The following SGCZ variants were observed in gnomAD, a reference collection of about 807,000 sequenced individuals.
SGCZ encodes zeta-sarcoglycan.
SGCZ carries 40 observed loss-of-function variants against 41.3 expected under a neutral mutation model. That is an observed-to-expected ratio of 0.97 (90% CI 0.75 to 1.26). The LOEUF (loss-of-function observed/expected upper bound fraction) is 1.26, where lower values mean the gene tolerates loss of function less well. SGCZ is among the 50% of genes most tolerant of loss of function. The pLI, the probability that SGCZ is intolerant of heterozygous loss-of-function variation, is 0.00. For synonymous variants in SGCZ, 206 were observed against 137.5 expected, an observed-to-expected ratio of 1.50 and a Z score of -3.49; for missense variants, 552 against 369.8, an observed-to-expected ratio of 1.49 and a Z score of -4.04.
At chr8:14,766,325 T>C (rs112633730) in intron 1 of SGCZ, among the ~76,000 whole-genome samples, 1 of 152,036 alleles carries the variant, frequency 6.6e-6, no homozygotes, top group African/African-American at 2.4e-5. Flanking sequence ...TATTATAAGG[T>C]TGACTTGGGG....
At chr8:14,426,586 T>C (rs569027170) in intron 2 of SGCZ, among the ~76,000 whole-genome samples, 208 of 152,202 alleles carry the variant, frequency 1.4e-3, no homozygotes, top group African/African-American at 4.8e-3. Flanking sequence ...AGAAGTTTTG[T>C]TTGTTATTTT....
chr8:14,686,740 T>G (rs1420647431), intron 1 of SGCZ, among the ~76,000 whole-genome samples: 1 of 152,058 alleles, frequency 6.6e-6, no homozygotes, highest in Non-Finnish European at 1.5e-5. Context: ...GTGACCTATA[T>G]TTTAATGCAT....
chr8:15,172,673 A>G (rs1020437514), intron 1 of SGCZ, among the ~76,000 whole-genome samples: 5 of 152,254 alleles, frequency 3.3e-5, no homozygotes, highest in South Asian at 2.1e-4. Flanking sequence ...CCTAACCAAT[A>G]CACTTGGTCT....
intron 1 of SGCZ, among the ~76,000 whole-genome samples, chr8:14,883,201 C>T (rs560768551): frequency 1.3e-5 from 2 of 149,310 alleles, no homozygotes; most frequent in South Asian, 2.1e-4. Context: ...AGAAGAAAGT[C>T]TATGAACCTC....
At chr8:15,193,895 G>C (rs1057166925) in intron 1 of SGCZ, among the ~76,000 whole-genome samples, 11 of 152,032 alleles carry the variant, frequency 7.2e-5, no homozygotes, top group African/African-American at 2.7e-4. Flanking sequence ...CAAAATACGA[G>C]CAATTGCCTT....
At chr8:14,242,742 G>C (rs1463532827) in intron 3 of SGCZ, among the ~76,000 whole-genome samples, 2 of 151,994 alleles carry the variant, frequency 1.3e-5, no homozygotes, top group Non-Finnish European at 2.9e-5. Flanking sequence ...AAATGACACA[G>C]CTAAAAAAGG....
intron 1 of SGCZ, among the ~76,000 whole-genome samples, chr8:15,078,075 C>G (rs1384116262): frequency 1.3e-5 from 2 of 150,328 alleles, no homozygotes; most frequent in Non-Finnish European, 2.9e-5. Context: ...GGAGGAGGAG[C>G]CTGTCCTCTC....
intron 2 of SGCZ, among the ~76,000 whole-genome samples, chr8:14,509,926 C>T (rs768304591): frequency 4.8e-4 from 73 of 151,984 alleles, no homozygotes; most frequent in Admixed American, 2.0e-3. Flanking sequence ...TGGGGGGACA[C>T]GTCCCCCATG....
chr8:15,112,037 AACACT>A (rs1215852712), intron 1 of SGCZ, among the ~76,000 whole-genome samples: 1 of 152,222 alleles, frequency 6.6e-6, no homozygotes, highest in Non-Finnish European at 1.5e-5. Flanking sequence ...GCCTTCTGGT[AACACT>A]ATGAGCACTA....
chr8:14,975,559 G>A (rs1801439062), intron 1 of SGCZ, among the ~76,000 whole-genome samples: 1 of 151,926 alleles, frequency 6.6e-6, no homozygotes, highest in African/African-American at 2.4e-5. Context: ...TGTTTTCACT[G>A]GATTGTATCT....
chr8:14,239,007 C>T (rs956097980), intron 3 of SGCZ, among the ~76,000 whole-genome samples: 4 of 150,124 alleles, frequency 2.7e-5, no homozygotes, highest in Admixed American at 6.6e-5. Flanking sequence ...TTTATTTCGA[C>T]AGATTTAAAA....
intron 3 of SGCZ, among the ~76,000 whole-genome samples, chr8:14,238,816 T>C (rs1806862261): frequency 6.6e-6 from 1 of 152,106 alleles, no homozygotes; most frequent in Admixed American, 6.5e-5. Context: ...TTGTGGATGC[T>C]GAAATACTAT....
At chr8:14,288,563 G>A (rs888663434) in intron 3 of SGCZ, among the ~76,000 whole-genome samples, 6 of 152,016 alleles carry the variant, frequency 3.9e-5, no homozygotes, top group Admixed American at 1.3e-4. Context: ...CTTTCACTTA[G>A]CATGATGTTT....
intron 1 of SGCZ, among the ~76,000 whole-genome samples, chr8:14,957,653 T>C (rs919188752): frequency 6.6e-6 from 1 of 152,032 alleles, no homozygotes. Flanking sequence ...TTAAAGCTAC[T>C]TTGGGATATT....
intron 1 of SGCZ, among the ~76,000 whole-genome samples, chr8:14,730,759 A>T (rs145990211): frequency 6.6e-6 from 1 of 151,896 alleles, no homozygotes; most frequent in East Asian, 1.9e-4. Context: ...CAACAAATCT[A>T]TGTTAAATTG....
chr8:14,760,245 C>T (rs1025201114), intron 1 of SGCZ, among the ~76,000 whole-genome samples: 1 of 152,154 alleles, frequency 6.6e-6, no homozygotes, highest in African/African-American at 2.4e-5. Context: ...GTAATCCCTT[C>T]GTAGCCTTTA....
chr8:14,636,331 G>A (rs758705421), intron 1 of SGCZ, among the ~76,000 whole-genome samples: 2 of 151,816 alleles, frequency 1.3e-5, no homozygotes, highest in African/African-American at 2.4e-5. Context: ...GAAAGATCAC[G>A]TTAACCACAA....
chr8:14,170,028 G>A (rs1804328591), intron 4 of SGCZ, among the ~76,000 whole-genome samples: 1 of 150,588 alleles, frequency 6.6e-6, no homozygotes, highest in Non-Finnish European at 1.5e-5. Flanking sequence ...TGAATACTTT[G>A]TAAATTTTAA....
chr8:14,973,047 T>G (rs892839286), intron 1 of SGCZ, among the ~76,000 whole-genome samples: 3 of 152,228 alleles, frequency 2.0e-5, no homozygotes, highest in Non-Finnish European at 4.4e-5. Flanking sequence ...ATTTACTGTG[T>G]GCTGGATATT....
Sources: gnomAD v4.1 joint callset for allele counts (sites outside exome capture counted in the v4.1 genomes callset) on GRCh38, gnomAD v4.1.1 for gene constraint, MANE v1.5 for transcripts, NCBI Gene and HGNC (gene_info 2026-07-23, HGNC 2026-07-21) for gene names.